SCFD1: variants seen among roughly 807,000 people sequenced by gnomAD.
SCFD1 encodes the protein sec1 family domain-containing protein 1.
SCFD1 carries 37 observed loss-of-function variants against 103.2 expected under a neutral mutation model. The observed-to-expected ratio is 0.36, with a 90% CI of 0.28 to 0.47. SCFD1 has a LOEUF of 0.47. Ranked by LOEUF, SCFD1 falls within the 20% of genes least tolerant of loss-of-function variation. SCFD1 has a pLI of 1.00. For missense variants in SCFD1, 639 were observed against 761.2 expected (o/e 0.84, Z 1.89); for synonymous variants, 264 against 245.0 (o/e 1.08, Z -0.73).
At chr14:30,676,450 T>C (rs1207738418) in intron 14 of SCFD1, 2 of 152,064 alleles carry the variant, frequency 1.3e-5, no homozygotes, top group Non-Finnish European at 2.9e-5. Flanking sequence ...TGTGAGGCAA[T>C]GGGATATGAG....
At chr14:30,683,147 G>A (rs539422477) in intron 14 of SCFD1, 15 of 1,124,654 alleles carry the variant, frequency 1.3e-5, no homozygotes, top group Non-Finnish European at 2.0e-5. Flanking sequence ...TGTTCAAGGG[G>A]CTATCAATGT....
chr14:30,681,271 G>A (rs1398878085), intron 14 of SCFD1, among the ~76,000 whole-genome samples: 1 of 149,274 alleles, frequency 6.7e-6, no homozygotes, highest in Non-Finnish European at 1.5e-5. Flanking sequence ...TTAAAACTAA[G>A]TGATTTCTGA....
chr14:30,702,146 G>A, intron 16 of SCFD1, 150 bp from the exon 17 acceptor site: 1 of 475,610 alleles, frequency 2.1e-6, no homozygotes, highest in Admixed American at 4.0e-5. Flanking sequence ...GCTCACTTGG[G>A]TACTCACTTA....
rs59654790 is a variant in SCFD1, at chr14:30,724,072, TAAAAAAA to T, written c.1836+1531_1836+1537del. On this transcript the variant is annotated intron_variant, in intron 23 of 24. Coordinates refer to ENST00000458591, the MANE Select transcript of SCFD1 (RefSeq NM_016106.4). ...TTTCTCCAAAACCTCACCAGTATCT[TAAAAAAA>T]AAAAAAAAAAAAAAAAAGGCTGACT... is the stretch of plus-strand genomic sequence containing the variant. Among the ~76,000 whole-genome samples the T allele has an allele frequency of 1.1e-3, 96 of 91,354 alleles. 1 individual carries two copies. The highest frequency in any genetic ancestry group is 4.4e-3 in the African/African-American group (87 of 19,816). 59.9% of individuals were successfully genotyped at this position (91,354 alleles called of 152,430 possible). A position where few individuals can be genotyped will look rare whatever the true frequency, so the allele number is the denominator to read the frequency against.
intron 14 of SCFD1, chr14:30,676,633 G>A (rs1313942492): frequency 1.3e-5 from 2 of 152,074 alleles, no homozygotes; most frequent in Non-Finnish European, 2.9e-5. Flanking sequence ...AAACAAATTC[G>A]GTATGTTTGA....
chr14:30,707,312 CTGTT>C (rs767181758), intron 18 of SCFD1, among the ~76,000 whole-genome samples: 23 of 152,176 alleles, frequency 1.5e-4, no homozygotes, highest in Non-Finnish European at 3.4e-4. Context: ...ATGTGAGAGA[CTGTT>C]TGAACCACAG....
chr14:30,725,064 A>G (rs1204119220), intron 23 of SCFD1, among the ~76,000 whole-genome samples: 1 of 152,162 alleles, frequency 6.6e-6, no homozygotes, highest in Non-Finnish European at 1.5e-5. Flanking sequence ...TACCAGTAGC[A>G]TGCTGTTTTG....
chr14:30,671,629 G>C (rs947678637), intron 11 of SCFD1, among the ~76,000 whole-genome samples: 2 of 152,082 alleles, frequency 1.3e-5, no homozygotes, highest in African/African-American at 4.8e-5. Context: ...TAGCTCTTTT[G>C]CTCTGCATCT....
chr14:30,684,805 T>TTC (rs1021508338), intron 14 of SCFD1, among the ~76,000 whole-genome samples: 2 of 136,840 alleles, frequency 1.5e-5, no homozygotes, highest in African/African-American at 5.5e-5. Context: ...AATTGTTTCT[T>TTC]TTTTTTTTTT....
chr14:30,719,948 G>A (rs1892541322), intron 21 of SCFD1, among the ~76,000 whole-genome samples: 1 of 134,142 alleles, frequency 7.5e-6, no homozygotes, highest in Admixed American at 7.7e-5. Context: ...AAAAGAATAG[G>A]CAGAATTGGG....
chr14:30,734,934 A>G lies in SCFD1; in HGVS notation c.1905+76A>G, dbSNP rs1054304610. The G allele has an allele frequency of 9.0e-6, 11 of 1,215,626 alleles. No homozygotes were observed. In the African/African-American group the frequency reaches 1.0e-4, roughly 12 times the overall value. The allele number at this position is 1,215,626 out of a possible 1,614,324, so 75.3% of individuals were successfully genotyped here. A position where few individuals can be genotyped will look rare whatever the true frequency, so the allele number is the denominator to read the frequency against. ...TTGGTATTTTTCAAAAGAGAGAAAG[A>G]AAACCACTTACTCACCTGAACCAGC... is the stretch of plus-strand genomic sequence containing the variant. On this transcript the variant is annotated intron_variant, in intron 24 of 24. Coordinates refer to ENST00000458591, the MANE Select transcript of SCFD1 (RefSeq NM_016106.4).
chr14:30,636,733 T>A (rs1396668626), intron 4 of SCFD1, among the ~76,000 whole-genome samples: 4 of 152,142 alleles, frequency 2.6e-5, no homozygotes, highest in Non-Finnish European at 1.5e-5. Flanking sequence ...GATTAGCTTG[T>A]CATAAGTTTT....
intron 4 of SCFD1, among the ~76,000 whole-genome samples, chr14:30,637,831 C>CT (rs1884885684): frequency 6.6e-6 from 1 of 152,058 alleles, no homozygotes; most frequent in Non-Finnish European, 1.5e-5. Flanking sequence ...TGGACCATAT[C>CT]TGGATATTTT....
At position 30,632,530 on chromosome 14, in the gene SCFD1, A is replaced by G. The variant is rs1025889697; in HGVS notation, c.222-1417A>G. ...TTTGATGAGTTTTCCTTTCATTTTT[A>G]TGTCAGACTGAAATAAGCAGGTTTG... On this transcript the variant is annotated intron_variant, in intron 3 of 24. Coordinates refer to ENST00000458591, the MANE Select transcript of SCFD1 (RefSeq NM_016106.4). Among the ~76,000 whole-genome samples, 12 of 152,248 alleles carry G rather than the reference A, an allele frequency of 7.9e-5. No individual in the cohort carries two copies. In the East Asian group the frequency reaches 1.2e-3, roughly 15 times the overall value.
At chr14:30,646,301 G>A (rs956901501) in intron 7 of SCFD1, among the ~76,000 whole-genome samples, 19 of 151,862 alleles carry the variant, frequency 1.3e-4, no homozygotes, top group African/African-American at 3.9e-4. Context: ...AATTACAGGC[G>A]TGAGCCACCA....
chr14:30,733,452 G>A (rs961541561), intron 23 of SCFD1, among the ~76,000 whole-genome samples: 4 of 152,182 alleles, frequency 2.6e-5, no homozygotes, highest in Non-Finnish European at 5.9e-5. Context: ...GGCTAAAAAC[G>A]ATTAGAAAAG....
At chr14:30,683,394 G>A in intron 14 of SCFD1, 3 of 537,506 alleles carry the variant, frequency 5.6e-6, no homozygotes, top group Non-Finnish European at 1.1e-5. Flanking sequence ...ATATATTGTG[G>A]CAGCTGCTCC....
At chr14:30,662,133 A>G (rs1166192536) in intron 10 of SCFD1, among the ~76,000 whole-genome samples, 1 of 152,188 alleles carries the variant, frequency 6.6e-6, no homozygotes, top group South Asian at 2.1e-4. Flanking sequence ...ACACAAATGT[A>G]TTCATGTGCA....
intron 20 of SCFD1, among the ~76,000 whole-genome samples, chr14:30,719,121 G>A (rs1892477946): frequency 1.3e-5 from 2 of 152,216 alleles, no homozygotes; most frequent in Middle Eastern, 3.4e-3. Flanking sequence ...GTAACAACCT[G>A]ATAGACCATT....
Sources: allele counts gnomAD v4.1 joint callset (sites outside exome capture counted in the v4.1 genomes callset), GRCh38; gene constraint gnomAD v4.1.1; transcripts MANE v1.5; gene names NCBI Gene and HGNC (gene_info 2026-07-23, HGNC 2026-07-21).